The following SLMAP variants were observed in gnomAD, a reference collection of about 807,000 sequenced individuals.
SLMAP encodes sarcolemma associated protein, also known as sarcolemmal membrane-associated protein.
A neutral mutation model predicts 128.8 loss-of-function variants in SLMAP; 44 were observed. That is an observed-to-expected ratio of 0.34 (90% CI 0.27 to 0.44). The LOEUF (loss-of-function observed/expected upper bound fraction) is 0.44. SLMAP is among the 20% of genes least tolerant of loss of function. SLMAP has a pLI of 1.00. For missense variants in SLMAP, 787 were observed against 985.3 expected, an observed-to-expected ratio of 0.80 and a Z score of 2.69; for synonymous variants, 327 against 348.8, an observed-to-expected ratio of 0.94 and a Z score of 0.70.
rs1009755128 is a variant in SLMAP, at chr3:57,775,509, CAAAAAAAAAAAA to C, written c.198+17678_198+17689del. 2.5e-3 allele frequency among the ~76,000 whole-genome samples: 52 copies of C among 21,198 alleles called. 1 individual carries two copies. The highest frequency in any genetic ancestry group is 4.7e-3 in the African/African-American group (44 of 9,290). 13.9% of individuals were successfully genotyped at this position (21,198 alleles called of 152,430 possible). A position where few individuals can be genotyped will look rare whatever the true frequency, so the allele number is the denominator to read the frequency against. ...GCAACAAAGTGAAACCCTGTTGGTA[CAAAAAAAAAAAA>C]AAAAAAAAAAAAAAAAAGAGCCGGG... is the stretch of plus-strand genomic sequence containing the variant. On this transcript the variant is annotated intron_variant, in intron 2 of 24. Coordinates refer to ENST00000671191, the MANE Select transcript of SLMAP (RefSeq NM_001377540.1).
intron 14 of SLMAP, among the ~76,000 whole-genome samples, chr3:57,878,582 T>A (rs949956397): frequency 1.3e-5 from 2 of 152,186 alleles, no homozygotes; most frequent in Non-Finnish European, 2.9e-5. Context: ...CTTTAAACCT[T>A]GATTTCCTCA....
At chr3:57,920,255 A>G (rs1050186927) in intron 22 of SLMAP, among the ~76,000 whole-genome samples, 7 of 152,228 alleles carry the variant, frequency 4.6e-5, no homozygotes, top group Admixed American at 2.0e-4. Flanking sequence ...GAAAAAAGCT[A>G]TCATAAAGTC....
chr3:57,916,963 G>C lies in SLMAP; in HGVS notation c.2196G>C (p.Arg732Ser). 3.1e-6 allele frequency: 5 copies of C among 1,613,874 alleles called. No homozygotes were observed. Among genetic ancestry groups the C allele is most frequent in the Non-Finnish European group, 4.2e-6 (5 of 1,179,908 alleles). ...ATCTCAGCATCCTTCAAATGTCTAG[G>C]AAAGAACTTGAGAATCAAGTGGGAT... ...TSDLSILQMS[R>S]KELENQVGSL... The change falls in exon 22 of 25, where the codon AGG becomes AGC. Residue 732 changes from arginine (R) to serine (S), a missense_variant. Physicochemically the swap from Arg to Ser is moderately radical, Grantham distance 110. Transcript: ENST00000671191.
At chr3:57,906,306 T>TTTTC (rs1170006342) in intron 17 of SLMAP, among the ~76,000 whole-genome samples, 3 of 117,052 alleles carry the variant, frequency 2.6e-5, no homozygotes, top group East Asian at 3.4e-4. Context: ...TTTTCTTTTT[T>TTTTC]TTTCTTTTTT....
At chr3:57,821,031 C>T (rs991425119) in intron 2 of SLMAP, among the ~76,000 whole-genome samples, 3 of 152,122 alleles carry the variant, frequency 2.0e-5, no homozygotes, top group Non-Finnish European at 4.4e-5. Flanking sequence ...TTTACTTTGT[C>T]CTGAATTCTC....
chr3:57,893,033 C>A (rs1575839627), intron 15 of SLMAP, among the ~76,000 whole-genome samples: 2 of 151,570 alleles, frequency 1.3e-5, no homozygotes, highest in South Asian at 4.2e-4. Context: ...TGGAGTTTCA[C>A]TGTGTTACCC....
At chr3:57,860,671 C>T in intron 8 of SLMAP, 28 bp from the exon 9 acceptor site, 2 of 1,460,690 alleles carry the variant, frequency 1.4e-6, no homozygotes, top group Non-Finnish European at 1.8e-6. Flanking sequence ...AATAACTTGT[C>T]TATAATTATA....
At chr3:57,822,520 T>C (rs2092605584) in intron 2 of SLMAP, among the ~76,000 whole-genome samples, 1 of 152,288 alleles carries the variant, frequency 6.6e-6, no homozygotes, top group Middle Eastern at 3.4e-3. Flanking sequence ...ATTTGCAGCA[T>C]CCAAGGGAGT....
chr3:57,867,226 A>AT (rs2095329611), intron 13 of SLMAP, among the ~76,000 whole-genome samples: 1 of 152,110 alleles, frequency 6.6e-6, no homozygotes, highest in South Asian at 2.1e-4. Context: ...CACCCTCTTG[A>AT]TTTTATATTA....
intron 22 of SLMAP, 59 bp downstream of exon 22, chr3:57,917,136 C>T (rs768094378): frequency 1.9e-5 from 31 of 1,607,932 alleles, no homozygotes; most frequent in South Asian, 6.7e-5. Flanking sequence ...AAAAGCAAAT[C>T]GGATATCCAT....
chr3:57,762,519 T>C (rs2078894222), intron 2 of SLMAP, among the ~76,000 whole-genome samples: 1 of 152,200 alleles, frequency 6.6e-6, no homozygotes, highest in Non-Finnish European at 1.5e-5. Flanking sequence ...AATATCTTAT[T>C]GTATAATACT....
intron 2 of SLMAP, among the ~76,000 whole-genome samples, chr3:57,779,863 A>C (rs2082656007): frequency 6.6e-6 from 1 of 152,104 alleles, no homozygotes; most frequent in South Asian, 2.1e-4. Flanking sequence ...CTGTGCTCTG[A>C]ATGACTAAGT....
At chr3:57,868,559 T>A (rs142407373) in intron 13 of SLMAP, among the ~76,000 whole-genome samples, 319 of 151,934 alleles carry the variant, frequency 2.1e-3, no homozygotes, top group African/African-American at 6.2e-3. Flanking sequence ...GACTTCTGTC[T>A]CTACACAAAA....
chr3:57,860,789 C>T lies in SLMAP; in HGVS notation c.778C>T (p.Arg260Trp). 2 of 1,596,002 alleles carry T rather than the reference C, an allele frequency of 1.3e-6. No homozygotes were observed. Among genetic ancestry groups the T allele is most frequent in the Non-Finnish European group, 1.7e-6 (2 of 1,175,136 alleles). Residue 260 changes from arginine to tryptophan, a missense_variant, in exon 9 of 25, where the codon CGG (arginine) becomes TGG (tryptophan). Coordinates refer to ENST00000671191, the MANE Select transcript of SLMAP (RefSeq NM_001377540.1). ...YETTAKESLR[R>W]VLQEKIEVVR... is the part of the protein sequence containing the mutation. ...GACAACAGCCAAAGAGTCCCTGAGGCGGGTTCTTCAGGAGAAAATTGAAGT... is the reference window on the plus strand; with the variant it reads ...GACAACAGCCAAAGAGTCCCTGAGGTGGGTTCTTCAGGAGAAAATTGAAGT...
chr3:57,875,431 C>T (rs1027017723), intron 14 of SLMAP, among the ~76,000 whole-genome samples: 1 of 152,180 alleles, frequency 6.6e-6, no homozygotes, highest in Non-Finnish European at 1.5e-5. Flanking sequence ...AGGAGGATCG[C>T]TTAAACCCAT....
chr3:57,765,923 T>C (rs560471820), intron 2 of SLMAP, among the ~76,000 whole-genome samples: 116 of 152,232 alleles, frequency 7.6e-4, no homozygotes, highest in African/African-American at 2.2e-3. Context: ...GCATTTTTTT[T>C]CCCACTTAGT....
At chr3:57,795,586 C>G (rs1363447555) in intron 2 of SLMAP, among the ~76,000 whole-genome samples, 4 of 151,832 alleles carry the variant, frequency 2.6e-5, no homozygotes, top group Non-Finnish European at 5.9e-5. Context: ...GTTGTATATT[C>G]AGGATATAAT....
At chr3:57,842,757 TTA>T (rs1429392980) in intron 4 of SLMAP, among the ~76,000 whole-genome samples, 1 of 152,214 alleles carries the variant, frequency 6.6e-6, no homozygotes, top group Non-Finnish European at 1.5e-5. Flanking sequence ...TTGTCTTTTC[TTA>T]TATGGTTAAA....
In SLMAP at chr3:57,843,947, ATTT is replaced by A. The variant is rs1224947242; in HGVS notation, c.419+2579_419+2581del. 7.9e-5 allele frequency among the ~76,000 whole-genome samples: 12 copies of A among 151,224 alleles called. No individual in the cohort carries two copies. In the East Asian group the frequency reaches 2.4e-3, roughly 30 times the overall value. On this transcript the variant is annotated intron_variant, in intron 4 of 24. Coordinates refer to ENST00000671191, the MANE Select transcript of SLMAP (RefSeq NM_001377540.1). Reference sequence around the variant, plus strand: ...AGGTGCATACCACCATGCCCAGCTAATTTTTGTGTTTTCAGTAGAGATGGGGTT... The same window carrying A: ...AGGTGCATACCACCATGCCCAGCTAATTGTGTTTTCAGTAGAGATGGGGTT...
Sources: allele counts gnomAD v4.1 joint callset (sites outside exome capture counted in the v4.1 genomes callset), GRCh38; gene constraint gnomAD v4.1.1; transcripts MANE v1.5; gene names NCBI Gene and HGNC (gene_info 2026-07-23, HGNC 2026-07-21).